Variants in DMRT1 observed in about 807,000 individuals in gnomAD.
The protein encoded by DMRT1 is doublesex- and mab-3-related transcription factor 1.
A neutral mutation model predicts 32.3 loss-of-function variants in DMRT1; 7 were observed. The ratio of observed to expected loss-of-function variants is 0.22; its 90% CI spans 0.12 to 0.41. The LOEUF is 0.41. Ranked by LOEUF, DMRT1 falls within the 10% of genes least tolerant of loss-of-function variation. The pLI is 1.00. For synonymous variants in DMRT1, 278 were observed against 206.1 expected, an observed-to-expected ratio of 1.35 and a Z score of -2.99; for missense variants, 625 against 500.5, an observed-to-expected ratio of 1.25 and a Z score of -2.37.
chr9:918,888 TG>T (rs955274802), intron 4 of DMRT1, among the ~76,000 whole-genome samples: 4 of 152,022 alleles, frequency 2.6e-5, no homozygotes, highest in African/African-American at 9.7e-5. Context: ...ACAAAGCAAG[TG>T]GGAAGGTAAA....
intron 2 of DMRT1, among the ~76,000 whole-genome samples, chr9:869,786 G>A (rs954648748): frequency 3.3e-5 from 5 of 151,470 alleles, no homozygotes; most frequent in South Asian, 2.1e-4. Flanking sequence ...ATTCTCTGTC[G>A]CACAGTTAAT....
At chr9:893,135 G>A (rs183854395) in intron 2 of DMRT1, among the ~76,000 whole-genome samples, 34 of 152,218 alleles carry the variant, frequency 2.2e-4, no homozygotes, top group African/African-American at 8.2e-4. Context: ...CTGTGGGCAC[G>A]GCAGCTGGCA....
chr9:862,840 C>T (rs112025357), intron 2 of DMRT1, among the ~76,000 whole-genome samples: 15 of 152,170 alleles, frequency 9.9e-5, no homozygotes, highest in African/African-American at 3.4e-4. Context: ...TGTACATCAG[C>T]GTGGTCAGGT....
rs369887755 is a variant in DMRT1 at position 916,737 on chromosome 9, T to C, written c.823-26T>C. 1.4e-5 allele frequency: 22 copies of C among 1,613,178 alleles called. No individual in the cohort carries two copies. The African/African-American group carries it at 2.9e-4, about 22-fold the overall frequency. Reference sequence around the variant, plus strand: ...TTGTGACATGCAATGTTGATCTCAGTATATTTCTTCTTTTTTCTTAAGCAG... The same window carrying C: ...TTGTGACATGCAATGTTGATCTCAGCATATTTCTTCTTTTTTCTTAAGCAG... On this transcript the variant is annotated intron_variant, in intron 3 of 4. Transcript: ENST00000382276.
chr9:876,521 C>T (rs1450539268), intron 2 of DMRT1, among the ~76,000 whole-genome samples: 1 of 135,060 alleles, frequency 7.4e-6, no homozygotes, highest in Non-Finnish European at 1.5e-5. Flanking sequence ...GACTCCTCGT[C>T]AATAGGCTTT....
intron 4 of DMRT1, among the ~76,000 whole-genome samples, chr9:963,657 C>G (rs1305688126): frequency 1.3e-5 from 2 of 152,184 alleles, no homozygotes; most frequent in Non-Finnish European, 2.9e-5. Flanking sequence ...TTTGAAAGTA[C>G]AAACTGAACC....
At chr9:866,914 T>G (rs978242062) in intron 2 of DMRT1, among the ~76,000 whole-genome samples, 3 of 152,188 alleles carry the variant, frequency 2.0e-5, no homozygotes, top group African/African-American at 7.2e-5. Context: ...TGGCTTTGAA[T>G]AAGCGGCCTT....
intron 4 of DMRT1, among the ~76,000 whole-genome samples, chr9:939,565 C>T (rs1278931913): frequency 6.6e-6 from 1 of 152,144 alleles, no homozygotes; most frequent in South Asian, 2.1e-4. Flanking sequence ...GTTCTCTGGA[C>T]TTTATTATTC....
chr9:884,542 G>C (rs1296068614), intron 2 of DMRT1, among the ~76,000 whole-genome samples: 1 of 152,204 alleles, frequency 6.6e-6, no homozygotes, highest in South Asian at 2.1e-4. Flanking sequence ...GTTATGGTCT[G>C]TGGGACAAAT....
Position 940,032 on chromosome 9 carries a change from A to G in DMRT1, c.967+23125A>G, listed in dbSNP as rs374532293. Reference sequence around the variant, plus strand: ...TCAGATTCCACTTTACACCCATTAGAAAGGCTATTATCAAAAAAACGGAAA... The same window carrying G: ...TCAGATTCCACTTTACACCCATTAGGAAGGCTATTATCAAAAAAACGGAAA... On this transcript the variant is annotated intron_variant, in intron 4 of 4. Coordinates refer to ENST00000382276, the MANE Select transcript of DMRT1 (RefSeq NM_021951.3). Among the ~76,000 whole-genome samples the G allele has an allele frequency of 2.9e-3, 443 of 151,676 alleles. 3 individuals are homozygous for G. The highest frequency in any genetic ancestry group is 1.0e-2 in the African/African-American group (413 of 41,374).
At chr9:849,654 C>T (rs1014523284) in intron 2 of DMRT1, among the ~76,000 whole-genome samples, 3 of 152,210 alleles carry the variant, frequency 2.0e-5, no homozygotes, top group Admixed American at 6.5e-5. Context: ...AGAGTCCCTT[C>T]CTCACCTGTG....
intron 4 of DMRT1, among the ~76,000 whole-genome samples, chr9:959,281 G>A (rs913596190): frequency 1.3e-5 from 2 of 152,208 alleles, no homozygotes; most frequent in African/African-American, 4.8e-5. Flanking sequence ...CCTATATGTG[G>A]ATCTGAGCAC....
intron 3 of DMRT1, among the ~76,000 whole-genome samples, chr9:900,785 A>C (rs1312191116): frequency 1.3e-5 from 2 of 151,354 alleles, no homozygotes; most frequent in Non-Finnish European, 2.9e-5. Context: ...CCTGGGTTCG[A>C]GTGATCCTCC....
Position 875,782 on chromosome 9 carries a change from A to G in DMRT1, c.539-18130A>G, listed in dbSNP as rs61388785. On this transcript the variant is annotated intron_variant, in intron 2 of 4. Coordinates refer to ENST00000382276, the MANE Select transcript of DMRT1 (RefSeq NM_021951.3). The stretch of plus-strand genomic sequence containing the variant: ...TGCATGTGTGTGTATGTATGTATGT[A>G]TGTGTACGTATGTGTGTGTGCATAT... 6.6e-3 allele frequency among the ~76,000 whole-genome samples: 1,003 copies of G among 151,916 alleles called. 10 individuals carry two copies. Among genetic ancestry groups the G allele is most frequent in the African/African-American group, 0.023 (960 of 41,230 alleles).
chr9:877,694 T>C (rs1816560814), intron 2 of DMRT1, among the ~76,000 whole-genome samples: 2 of 152,340 alleles, frequency 1.3e-5, no homozygotes, highest in Admixed American at 1.3e-4. Context: ...ACTTTCCCAG[T>C]AGCAGTCTTT....
rs774991564 is a variant in DMRT1, at chr9:923,853, CTTA to C, written c.967+6952_967+6954del. On this transcript the variant is annotated intron_variant, in intron 4 of 4. Transcript: ENST00000382276. ...TTTAAACTTGACATTTTAGAAACGA[CTTA>C]TTATTTGCTAAATTTCAAAGAAAAG... Among the ~76,000 whole-genome samples, 605 of 152,236 alleles carry C rather than the reference CTTA, an allele frequency of 4.0e-3. 3 individuals are homozygous for C. The highest frequency in any genetic ancestry group is 6.6e-3 in the Non-Finnish European group (451 of 68,016).
intron 4 of DMRT1, among the ~76,000 whole-genome samples, chr9:938,110 C>A (rs115798603): frequency 6.6e-6 from 1 of 151,998 alleles, no homozygotes; most frequent in South Asian, 2.1e-4. Flanking sequence ...CTCCTTTTCC[C>A]AGTGAGTGGT....
intron 4 of DMRT1, among the ~76,000 whole-genome samples, chr9:927,047 G>C (rs116178984): frequency 0.02 from 3,033 of 152,320 alleles, 57 homozygotes; most frequent in African/African-American, 0.046. Flanking sequence ...CCTCACTCAT[G>C]AGATTTCCTC....
intron 2 of DMRT1, among the ~76,000 whole-genome samples, chr9:886,288 C>T (rs1476687999): frequency 6.6e-6 from 1 of 152,162 alleles, no homozygotes; most frequent in South Asian, 2.1e-4. Flanking sequence ...CGGAGTCTCG[C>T]TCTGTCACCC....
Sources: allele counts gnomAD v4.1 joint callset (sites outside exome capture counted in the v4.1 genomes callset), GRCh38; gene constraint gnomAD v4.1.1; transcripts MANE v1.5; gene names NCBI Gene and HGNC (gene_info 2026-07-23, HGNC 2026-07-21).